Variants in NRG3 observed in about 807,000 individuals in gnomAD.
The protein encoded by NRG3 is pro-neuregulin-3, membrane-bound isoform.
Under a neutral mutation model 66.9 loss-of-function variants are expected in NRG3, and 31 were observed. The ratio of observed to expected loss-of-function variants is 0.46; its 90% CI spans 0.35 to 0.63. The LOEUF (loss-of-function observed/expected upper bound fraction) is 0.63. NRG3 is among the 20% of genes least tolerant of loss of function. NRG3 has a pLI of 0.00. For missense variants in NRG3, 910 were observed against 878.9 expected, an observed-to-expected ratio of 1.04 and a Z score of -0.45; for synonymous variants, 393 against 359.4, an observed-to-expected ratio of 1.09 and a Z score of -1.06.
At chr10:82,131,132 G>C (rs1272959800) in intron 1 of NRG3, among the ~76,000 whole-genome samples, 1 of 152,084 alleles carries the variant, frequency 6.6e-6, no homozygotes, top group Non-Finnish European at 1.5e-5. Flanking sequence ...AAATATCCTA[G>C]AAAGTATCCC....
At chr10:82,308,375 C>T (rs2080857873) in intron 1 of NRG3, among the ~76,000 whole-genome samples, 2 of 152,132 alleles carry the variant, frequency 1.3e-5, no homozygotes, top group Non-Finnish European at 2.9e-5. Context: ...AGGCATGAGC[C>T]ACCATGCCCA....
At chr10:82,309,334 C>A (rs1163711122) in intron 1 of NRG3, among the ~76,000 whole-genome samples, 1 of 152,142 alleles carries the variant, frequency 6.6e-6, no homozygotes, top group Non-Finnish European at 1.5e-5. Flanking sequence ...TACTTATAAA[C>A]TTCCAGGGGT....
intron 1 of NRG3, among the ~76,000 whole-genome samples, chr10:81,926,745 A>G (rs962282547): frequency 6.6e-6 from 1 of 152,216 alleles, no homozygotes; most frequent in Non-Finnish European, 1.5e-5. Flanking sequence ...AGCAAGGTTG[A>G]GTACCAGAAG....
chr10:82,985,013 A>G (rs1853311656), intron 8 of NRG3, 85 bp from the exon 9 acceptor site: 4 of 1,483,080 alleles, frequency 2.7e-6, no homozygotes, highest in South Asian at 1.2e-5. Context: ...GAGATGGTGC[A>G]TGTGAAAAGT....
At chr10:82,647,622 CA>C (rs1466078171) in intron 2 of NRG3, among the ~76,000 whole-genome samples, 3 of 151,300 alleles carry the variant, frequency 2.0e-5, no homozygotes, top group African/African-American at 7.2e-5. Flanking sequence ...GTCCCACCAA[CA>C]GTGTAAAAGT....
intron 1 of NRG3, among the ~76,000 whole-genome samples, chr10:82,110,595 A>G (rs534811238): frequency 8.9e-5 from 13 of 146,588 alleles, no homozygotes; most frequent in African/African-American, 3.5e-4. Context: ...GTAGTCAGAT[A>G]TTAATATAGT....
intron 3 of NRG3, among the ~76,000 whole-genome samples, chr10:82,826,899 T>C (rs2135625968): frequency 6.6e-6 from 1 of 152,054 alleles, no homozygotes; most frequent in South Asian, 2.1e-4. Flanking sequence ...ATGTACCCCC[T>C]GCACCTAAAA....
chr10:82,373,139 G>A (rs2084997610), intron 2 of NRG3, among the ~76,000 whole-genome samples: 1 of 152,308 alleles, frequency 6.6e-6, no homozygotes, highest in African/African-American at 2.4e-5. Context: ...GATGTACCTT[G>A]TTATGGGTCA....
intron 2 of NRG3, among the ~76,000 whole-genome samples, chr10:82,700,299 TA>T (rs2055764000): frequency 6.6e-6 from 1 of 152,182 alleles, no homozygotes; most frequent in Admixed American, 6.5e-5. Context: ...TTGGACATAT[TA>T]AAAGAGTTTG....
At chr10:82,072,830 A>G (rs933196574) in intron 1 of NRG3, among the ~76,000 whole-genome samples, 1 of 152,048 alleles carries the variant, frequency 6.6e-6, no homozygotes, top group African/African-American at 2.4e-5. Flanking sequence ...GCAGTGGCAC[A>G]ATTATGGCTC....
Position 82,926,763 on chromosome 10 carries a change from C to T in NRG3, c.1055-24706C>T, listed in dbSNP as rs1214684191. 4.6e-5 allele frequency among the ~76,000 whole-genome samples: 7 copies of T among 152,340 alleles called. No homozygotes were observed. In the East Asian group the frequency reaches 1.2e-3, roughly 25 times the overall value. ...AGTTTCTAACTTTGAGGCCTGGCCT[C>T]TCTCACAGAGTCTGTGGCAATATTA... On this transcript the variant is annotated intron_variant, in intron 4 of 8. Coordinates refer to ENST00000372141, the MANE Select transcript of NRG3 (RefSeq NM_001010848.4).
At chr10:82,618,959 T>C (rs1157808540) in intron 2 of NRG3, among the ~76,000 whole-genome samples, 1 of 151,850 alleles carries the variant, frequency 6.6e-6, no homozygotes, top group Non-Finnish European at 1.5e-5. Flanking sequence ...TTTATTTTGC[T>C]GTGATTTCTA....
At chr10:82,762,536 C>T (rs965260898) in intron 3 of NRG3, among the ~76,000 whole-genome samples, 8 of 152,032 alleles carry the variant, frequency 5.3e-5, no homozygotes, top group Admixed American at 2.6e-4. Context: ...ATATATAAAT[C>T]AATTTGAATT....
intron 2 of NRG3, among the ~76,000 whole-genome samples, chr10:82,518,307 C>A (rs1264778102): frequency 1.6e-4 from 25 of 152,142 alleles, no homozygotes; most frequent in Admixed American, 1.6e-3. Flanking sequence ...TTATAGATGG[C>A]AACATCCTTT....
intron 1 of NRG3, among the ~76,000 whole-genome samples, chr10:82,046,826 T>C (rs1057053791): frequency 8.6e-6 from 1 of 116,156 alleles, no homozygotes; most frequent in Non-Finnish European, 2.0e-5. Flanking sequence ...ATTGAGATAA[T>C]CATGTGGTTT....
intron 1 of NRG3, among the ~76,000 whole-genome samples, chr10:82,081,293 G>T (rs985967442): frequency 1.3e-5 from 2 of 152,124 alleles, no homozygotes; most frequent in Admixed American, 1.3e-4. Context: ...ATTATCTGTT[G>T]CAGACAAGAA....
Position 82,332,158 on chromosome 10 carries a change from G to T in NRG3, c.824-26581G>T, listed in dbSNP as rs530567072. ...GATTTCTTTGGAGCCATAGTGTTCAGCCTCTCACAGCTGGGGAACTGCTTT... is the reference window on the plus strand; with the variant it reads ...GATTTCTTTGGAGCCATAGTGTTCATCCTCTCACAGCTGGGGAACTGCTTT... On this transcript the variant is annotated intron_variant, in intron 1 of 8. Transcript: ENST00000372141. 4.6e-5 allele frequency among the ~76,000 whole-genome samples: 7 copies of T among 152,306 alleles called. No individual in the cohort carries two copies. In the South Asian group the frequency reaches 1.4e-3, roughly 32 times the overall value.
chr10:82,517,516 T>C (rs894019229), intron 2 of NRG3, among the ~76,000 whole-genome samples: 2 of 152,140 alleles, frequency 1.3e-5, no homozygotes, highest in Non-Finnish European at 2.9e-5. Context: ...AGTCTAGGAA[T>C]ATATAATCTT....
rs181831346 is a variant in NRG3 at position 82,929,445 on chromosome 10, T to C, written c.1055-22024T>C. Among the ~76,000 whole-genome samples, 649 of 152,342 alleles carry C rather than the reference T, an allele frequency of 4.3e-3. 5 individuals carry two copies. The highest frequency in any genetic ancestry group is 0.015 in the African/African-American group (628 of 41,580). On this transcript the variant is annotated intron_variant, in intron 4 of 8. Coordinates refer to ENST00000372141, the MANE Select transcript of NRG3 (RefSeq NM_001010848.4). ...GATTTATCTTTCCGAGCAGAGGATC[T>C]GCAAACAGTGCCTGCGGACGTGTTT...
Sources: gnomAD v4.1 joint callset for allele counts (sites outside exome capture counted in the v4.1 genomes callset) on GRCh38, gnomAD v4.1.1 for gene constraint, MANE v1.5 for transcripts, NCBI Gene and HGNC (gene_info 2026-07-23, HGNC 2026-07-21) for gene names.